The following MICAL2 variants were observed in gnomAD, a reference collection of about 807,000 sequenced individuals.
The protein encoded by MICAL2 is [F-actin]-monooxygenase MICAL2.
MICAL2 carries 77 observed loss-of-function variants against 127.3 expected under a neutral mutation model. That is an observed-to-expected ratio of 0.60 (90% confidence interval 0.50 to 0.73). MICAL2 has a LOEUF of 0.73. Among genes scored for constraint, MICAL2 ranks in the 30% least tolerant of loss-of-function variants. The pLI is 0.00. For synonymous variants in MICAL2, 570 were observed against 551.1 expected (o/e 1.03, Z -0.48); for missense variants, 1,351 against 1,434.4 (o/e 0.94, Z 0.94).
intron 3 of MICAL2, among the ~76,000 whole-genome samples, chr11:12,192,967 A>G (rs1859404688): frequency 6.6e-6 from 1 of 152,176 alleles, no homozygotes; most frequent in Admixed American, 6.5e-5. Context: ...TATGGTTGAG[A>G]GAACTGACGT....
intron 3 of MICAL2, among the ~76,000 whole-genome samples, chr11:12,180,953 A>C (rs1229214863): frequency 2.5e-4 from 9 of 36,354 alleles, no homozygotes; most frequent in Non-Finnish European, 5.1e-4. Flanking sequence ...TTTGAGATGG[A>C]GTTTTGCTCT....
chr11:12,292,079 C>T, downstream of MICAL2: 2 of 1,532,648 alleles, frequency 1.3e-6, no homozygotes, highest in South Asian at 1.3e-5. Context: ...TCACTTAAAG[C>T]CTCCTCTTTT....
chr11:12,338,663 C>T (rs111802621), intron 32 of MICAL2, among the ~76,000 whole-genome samples: 196 of 152,294 alleles, frequency 1.3e-3, no homozygotes, highest in African/African-American at 4.3e-3. Context: ...GTGACAAAAT[C>T]TCTCAACATT....
At chr11:12,347,656 G>A (rs923308779) in intron 32 of MICAL2, among the ~76,000 whole-genome samples, 2 of 152,030 alleles carry the variant, frequency 1.3e-5, no homozygotes, top group Non-Finnish European at 2.9e-5. Flanking sequence ...AATACAGATA[G>A]AAAAACCAAT....
chr11:12,286,609 C>CTGT (rs1360885843), intron 2 of MICAL2, among the ~76,000 whole-genome samples: 8 of 152,164 alleles, frequency 5.3e-5, no homozygotes, highest in Non-Finnish European at 8.8e-5. Context: ...TGGCTCATGC[C>CTGT]TGTAACCCCA....
chr11:12,273,583 G>T (rs1184234450), upstream of MICAL2, among the ~76,000 whole-genome samples: 1 of 149,136 alleles, frequency 6.7e-6, no homozygotes. Flanking sequence ...ATTTTAAGAT[G>T]AGGTATTTCA....
intron 1 of MICAL2, among the ~76,000 whole-genome samples, chr11:12,123,752 T>C (rs1029610148): frequency 7.9e-5 from 12 of 152,180 alleles, no homozygotes; most frequent in Admixed American, 5.2e-4. Context: ...CAGCCCTCTG[T>C]TTCTCTCCTG....
chr11:12,339,788 C>T (rs1214183713), intron 32 of MICAL2, among the ~76,000 whole-genome samples: 1 of 152,124 alleles, frequency 6.6e-6, no homozygotes, highest in East Asian at 1.9e-4. Flanking sequence ...AATGCTGCTG[C>T]CTGATCGTTC....
At position 12,139,797 on chromosome 11, in the gene MICAL2, T is replaced by C. The variant is rs1353884822; in HGVS notation, c.-78+1337T>C. On this transcript the variant is annotated intron_variant, in intron 2 of 27. Coordinates refer to ENST00000683283, the MANE Select transcript of MICAL2 (RefSeq NM_001282663.2). Reference sequence around the variant, plus strand: ...CAATGAACAGTGAATTCCAATGTTGTCTGAAATGTGTAGGGAGGGGAGTGT... The same window carrying C: ...CAATGAACAGTGAATTCCAATGTTGCCTGAAATGTGTAGGGAGGGGAGTGT... Among the ~76,000 whole-genome samples, 3 of 152,316 alleles carry C rather than the reference T, an allele frequency of 2.0e-5. No homozygotes were observed. The South Asian group carries it at 6.2e-4, about 32-fold the overall frequency.
chr11:12,182,970 C>A (rs1857667091), intron 3 of MICAL2, among the ~76,000 whole-genome samples: 1 of 152,124 alleles, frequency 6.6e-6, no homozygotes, highest in South Asian at 2.1e-4. Flanking sequence ...CCTCGGTGGC[C>A]CCGCAGACCT....
chr11:12,177,298 T>C (rs1038663029), intron 3 of MICAL2, among the ~76,000 whole-genome samples: 1 of 152,224 alleles, frequency 6.6e-6, no homozygotes, highest in Non-Finnish European at 1.5e-5. Context: ...AAGTCTTCTT[T>C]AGAGAAATGT....
chr11:12,303,136 C>A (rs994378755), intron 29 of MICAL2, among the ~76,000 whole-genome samples: 2 of 152,196 alleles, frequency 1.3e-5, no homozygotes, highest in East Asian at 3.8e-4. Context: ...GATTCAATTA[C>A]CTCCACCAGG....
At chr11:12,338,101 A>T (rs1171175925) in intron 32 of MICAL2, among the ~76,000 whole-genome samples, 1 of 152,162 alleles carries the variant, frequency 6.6e-6, no homozygotes, top group African/African-American at 2.4e-5. Flanking sequence ...GTCTCTTTGT[A>T]GGTCACTAAG....
chr11:12,277,545 A>G (rs1213354092), intron 1 of MICAL2, among the ~76,000 whole-genome samples: 1 of 152,184 alleles, frequency 6.6e-6, no homozygotes, highest in East Asian at 1.9e-4. Context: ...GGAGAAGGGG[A>G]ATGCAGGAAG....
intron 2 of MICAL2, among the ~76,000 whole-genome samples, chr11:12,139,103 T>C (rs112028488): frequency 1.9e-4 from 29 of 152,298 alleles, no homozygotes; most frequent in Admixed American, 5.2e-4. Context: ...ACAGGGAGAC[T>C]GAGGCCTGGC....
downstream of MICAL2, among the ~76,000 whole-genome samples, chr11:12,267,294 G>A (rs141213577): frequency 1.3e-5 from 2 of 152,252 alleles, no homozygotes; most frequent in East Asian, 1.9e-4. Flanking sequence ...CAGCCCAAAT[G>A]TCCACTCCAA....
At chr11:12,179,378 A>G (rs1317433392) in intron 3 of MICAL2, among the ~76,000 whole-genome samples, 1 of 151,278 alleles carries the variant, frequency 6.6e-6, no homozygotes, top group East Asian at 1.9e-4. Flanking sequence ...CGTACCTCTC[A>G]CCTTCTCCCC....
chr11:12,292,379 A>G, downstream of MICAL2: 1 of 1,480,958 alleles, frequency 6.8e-7, no homozygotes, highest in South Asian at 1.2e-5. Flanking sequence ...TTATCTCTGG[A>G]TTCCACGTGC....
downstream of MICAL2, among the ~76,000 whole-genome samples, chr11:12,264,870 A>G (rs1246345649): frequency 1.3e-5 from 2 of 152,142 alleles, no homozygotes; most frequent in African/African-American, 4.8e-5. Context: ...TACAGCAGGG[A>G]ACCATGCGAA....
Sources: allele counts gnomAD v4.1 joint callset (sites outside exome capture counted in the v4.1 genomes callset), GRCh38; gene constraint gnomAD v4.1.1; transcripts MANE v1.5; gene names NCBI Gene and HGNC (gene_info 2026-07-23, HGNC 2026-07-21).